The following ADGRV1 variants were observed in gnomAD, a reference collection of about 807,000 sequenced individuals.
ADGRV1 encodes G-protein coupled receptor 98.
Under a neutral mutation model 596.2 loss-of-function variants are expected in ADGRV1, and 359 were observed. The observed-to-expected ratio is 0.60, with a 90% CI of 0.55 to 0.66. ADGRV1 has a LOEUF of 0.66. Ranked by LOEUF, ADGRV1 falls within the 30% of genes least tolerant of loss-of-function variation. The pLI is 0.00. For synonymous variants in ADGRV1, 2,681 were observed against 2,679.2 expected (o/e 1.00, Z -0.02); for missense variants, 7,274 against 7,575.6 (o/e 0.96, Z 1.48).
At chr5:90,646,949 T>G (rs1001686023) in intron 16 of ADGRV1, among the ~76,000 whole-genome samples, 2 of 152,076 alleles carry the variant, frequency 1.3e-5, no homozygotes, top group Non-Finnish European at 2.9e-5. Flanking sequence ...AATTTTTGTA[T>G]TTTTAGTAGA....
intron 1 of ADGRV1, among the ~76,000 whole-genome samples, chr5:90,613,167 C>T (rs1297664749): frequency 1.3e-5 from 2 of 152,068 alleles, no homozygotes; most frequent in Non-Finnish European, 2.9e-5. Flanking sequence ...GGTTCTGTCA[C>T]GTCTCCTGTT....
chr5:91,121,364 T>C (rs1277313694), intron 87 of ADGRV1, among the ~76,000 whole-genome samples: 1 of 152,138 alleles, frequency 6.6e-6, no homozygotes, highest in Admixed American at 6.5e-5. Context: ...TACCACACTA[T>C]TGGAAATCTT....
Position 90,720,187 on chromosome 5 carries a change from C to T in ADGRV1, c.9587C>T (p.Pro3196Leu), listed in dbSNP as rs765455880. The T allele has an allele frequency of 1.6e-5, 26 of 1,604,796 alleles. 1 individual carries two copies. The South Asian group carries it at 2.9e-4, about 18-fold the overall frequency. ...TLITVLQNQAPLGLFSISAVE... is the reference protein window; with the variant it reads ...TLITVLQNQALLGLFSISAVE... ...ATAACAGTTTTGCAAAACCAGGCCC[C>T]TTTGGGGCTATTCAGTATCTCTGCA... is the stretch of plus-strand genomic sequence containing the variant. Residue 3196 changes from proline (P) to leucine (L), a missense_variant, in exon 44 of 90, where the codon CCT becomes CTT. Pro to Leu is a moderately conservative substitution (Grantham distance 98, BLOSUM62 -3). This residue lies in a region of ADGRV1 where 3,643 missense variants were observed against 3,809.2 expected (regional missense o/e 0.96). Transcript: ENST00000405460.
chr5:90,654,791 A>C (rs975806843), intron 20 of ADGRV1: 3 of 152,114 alleles, frequency 2.0e-5, no homozygotes, highest in Non-Finnish European at 4.4e-5. Context: ...GTATCTACCA[A>C]TTTCAATCCC....
intron 83 of ADGRV1, among the ~76,000 whole-genome samples, chr5:90,904,548 A>G (rs982969793): frequency 3.9e-5 from 6 of 151,966 alleles, no homozygotes; most frequent in Non-Finnish European, 8.8e-5. Flanking sequence ...CCTGTTCACC[A>G]TTCGTTTGTC....
chr5:90,972,013 C>T (rs922327292), intron 84 of ADGRV1, among the ~76,000 whole-genome samples: 1 of 152,066 alleles, frequency 6.6e-6, no homozygotes, highest in Non-Finnish European at 1.5e-5. Context: ...GAAAATCTAC[C>T]AAGCAAATGG....
At chr5:90,896,843 T>C (rs1311099432) in intron 83 of ADGRV1, among the ~76,000 whole-genome samples, 2 of 152,224 alleles carry the variant, frequency 1.3e-5, no homozygotes, top group African/African-American at 4.8e-5. Flanking sequence ...CATGAACTCC[T>C]TGTGCCTGCA....
chr5:90,599,502 G>T (rs1031055419), intron 1 of ADGRV1, among the ~76,000 whole-genome samples: 1 of 152,104 alleles, frequency 6.6e-6, no homozygotes, highest in Admixed American at 6.6e-5. Context: ...AATCTTCAAT[G>T]GATTTAGCAA....
chr5:90,778,685 A>G, intron 63 of ADGRV1, 76 bp downstream of exon 63: 3 of 1,275,422 alleles, frequency 2.4e-6, no homozygotes, highest in Non-Finnish European at 3.2e-6. Flanking sequence ...TTTCTATTCC[A>G]GAGTTTTCAT....
chr5:90,982,801 G>A (rs1317629373), intron 84 of ADGRV1, among the ~76,000 whole-genome samples: 1 of 152,180 alleles, frequency 6.6e-6, no homozygotes, highest in East Asian at 1.9e-4. Context: ...CAATGTCAGG[G>A]AGTACACAGA....
intron 84 of ADGRV1, among the ~76,000 whole-genome samples, chr5:90,978,620 T>C (rs545129486): frequency 6.6e-6 from 1 of 152,272 alleles, no homozygotes; most frequent in East Asian, 1.9e-4. Flanking sequence ...CTGGTTGAGG[T>C]GATGGATACC....
At chr5:90,661,978 T>C (rs1770372935) in intron 21 of ADGRV1, among the ~76,000 whole-genome samples, 1 of 152,166 alleles carries the variant, frequency 6.6e-6, no homozygotes, top group Non-Finnish European at 1.5e-5. Flanking sequence ...CTGGACATTA[T>C]TCCTGACTCA....
At position 90,651,739 on chromosome 5, in the gene ADGRV1, A is replaced by T; in HGVS notation, c.3416+9A>T. On this transcript the variant is annotated intron_variant, in intron 18 of 89. Transcript: ENST00000405460. The stretch of plus-strand genomic sequence containing the variant: ...AAGACTAATGCATTTTGGTAAGCAT[A>T]TGTAGATAAGGCAAGTTTAAAATTG... 1 of 1,576,038 alleles carries T rather than the reference A, an allele frequency of 6.3e-7. No homozygotes were observed. The highest frequency in any genetic ancestry group is 8.7e-7 in the Non-Finnish European group (1 of 1,148,098).
At chr5:91,000,138 T>A (rs1435181801) in intron 85 of ADGRV1, among the ~76,000 whole-genome samples, 2 of 152,140 alleles carry the variant, frequency 1.3e-5, no homozygotes, top group Non-Finnish European at 2.9e-5. Context: ...ATGTCTAGAT[T>A]TATACATTTT....
At chr5:90,782,710 A>G (rs530743983) in intron 65 of ADGRV1, among the ~76,000 whole-genome samples, 1 of 152,242 alleles carries the variant, frequency 6.6e-6, no homozygotes, top group Admixed American at 6.6e-5. Flanking sequence ...AACCTCATTT[A>G]TTTATATTAC....
chr5:90,667,133 A>G (rs1392992359), intron 21 of ADGRV1, among the ~76,000 whole-genome samples: 1 of 149,706 alleles, frequency 6.7e-6, no homozygotes, highest in East Asian at 2.0e-4. Context: ...CGTTCTCTGT[A>G]TTTCCTGAAT....
chr5:90,681,789 A>G (rs1408128460), intron 27 of ADGRV1, among the ~76,000 whole-genome samples: 1 of 152,080 alleles, frequency 6.6e-6, no homozygotes, highest in Non-Finnish European at 1.5e-5. Context: ...TGGCTAGTAC[A>G]ACAAAGAATT....
intron 11 of ADGRV1, chr5:90,640,824 C>A (rs757301350): frequency 6.6e-6 from 1 of 152,554 alleles, no homozygotes; most frequent in African/African-American, 2.4e-5. Context: ...ACACTTCTTT[C>A]TGTGTTGACA....
chr5:90,843,893 T>C (rs1198427386), intron 78 of ADGRV1, among the ~76,000 whole-genome samples: 1 of 152,194 alleles, frequency 6.6e-6, no homozygotes, highest in Non-Finnish European at 1.5e-5. Context: ...TATTTTATAT[T>C]TTAAGCATAG....
Sources: allele counts gnomAD v4.1 joint callset (sites outside exome capture counted in the v4.1 genomes callset), GRCh38; gene constraint gnomAD v4.1.1; regional missense constraint gnomAD v4.1.1; transcripts MANE v1.5; gene names NCBI Gene and HGNC (gene_info 2026-07-23, HGNC 2026-07-21).